The following MKLN1 variants were observed in gnomAD, a reference collection of about 807,000 sequenced individuals.
MKLN1 encodes muskelin.
A neutral mutation model predicts 99.0 loss-of-function variants in MKLN1; 18 were observed. That is an observed-to-expected ratio of 0.18 (90% CI 0.13 to 0.27). MKLN1 has a LOEUF of 0.27. Ranked by LOEUF, MKLN1 falls within the 10% of genes least tolerant of loss-of-function variation. The pLI is 1.00. For missense variants in MKLN1, 621 were observed against 875.9 expected, an observed-to-expected ratio of 0.71 and a Z score of 3.67; for synonymous variants, 288 against 293.2, an observed-to-expected ratio of 0.98 and a Z score of 0.18.
intron 2 of MKLN1, among the ~76,000 whole-genome samples, chr7:131,175,232 T>G (rs1221209526): frequency 8.1e-5 from 6 of 73,898 alleles, no homozygotes; most frequent in East Asian, 8.7e-4. Context: ...GAGAGAGAGA[T>G]AGAATGGATG....
At chr7:131,399,144 G>C in intron 5 of MKLN1, 97 bp from the exon 6 acceptor site, 1 of 1,017,424 alleles carries the variant, frequency 9.8e-7, no homozygotes, top group Non-Finnish European at 1.5e-6. Context: ...GTTAATAAAT[G>C]CTCAGTGTAG....
intron 3 of MKLN1, among the ~76,000 whole-genome samples, chr7:131,224,869 C>A (rs55853534): frequency 1.3e-5 from 2 of 151,536 alleles, no homozygotes; most frequent in African/African-American, 2.4e-5. Flanking sequence ...GTCAGGAAAT[C>A]GAGACCATCC....
chr7:131,187,479 G>A (rs938219858), intron 2 of MKLN1, among the ~76,000 whole-genome samples: 3 of 152,168 alleles, frequency 2.0e-5, no homozygotes, highest in Non-Finnish European at 2.9e-5. Flanking sequence ...GCCTGTTTCT[G>A]TAATTAAGTT....
At chr7:131,252,587 C>T (rs1489924776) in intron 3 of MKLN1, among the ~76,000 whole-genome samples, 1 of 152,012 alleles carries the variant, frequency 6.6e-6, no homozygotes, top group Non-Finnish European at 1.5e-5. Flanking sequence ...CCTGGCCTCC[C>T]AAAGTACTGG....
intron 3 of MKLN1, among the ~76,000 whole-genome samples, chr7:131,223,046 T>A (rs974521785): frequency 2.6e-5 from 4 of 151,546 alleles, no homozygotes; most frequent in African/African-American, 7.3e-5. Flanking sequence ...GAAAAAAAAA[T>A]AAATAAATAC....
intron 12 of MKLN1, among the ~76,000 whole-genome samples, chr7:131,451,426 T>G (rs1044374462): frequency 6.6e-6 from 1 of 152,134 alleles, no homozygotes; most frequent in Non-Finnish European, 1.5e-5. Flanking sequence ...TTTGAACTAT[T>G]GAGATCACCG....
intron 1 of MKLN1, among the ~76,000 whole-genome samples, chr7:131,110,991 G>A (rs1220966862): frequency 6.6e-6 from 1 of 152,202 alleles, no homozygotes; most frequent in Non-Finnish European, 1.5e-5. Context: ...ACAACTGAGA[G>A]CAGGGAAATA....
chr7:131,281,441 T>C (rs1798051232), intron 3 of MKLN1, among the ~76,000 whole-genome samples: 1 of 152,358 alleles, frequency 6.6e-6, no homozygotes, highest in African/African-American at 2.4e-5. Flanking sequence ...AGTTTTCTGG[T>C]AGGTTTTGAA....
At chr7:131,477,141 G>A (rs988181270) in intron 16 of MKLN1, among the ~76,000 whole-genome samples, 1 of 152,110 alleles carries the variant, frequency 6.6e-6, no homozygotes, top group African/African-American at 2.4e-5. Context: ...CACAACATTG[G>A]GATAGGTAAA....
chr7:131,342,560 T>C lies in MKLN1; in HGVS notation c.98+14563T>C, dbSNP rs575336871. Among the ~76,000 whole-genome samples the C allele has an allele frequency of 1.6e-3, 243 of 152,358 alleles. 1 individual carries two copies. Among genetic ancestry groups the C allele is most frequent in the East Asian group, 1.9e-4 (1 of 5,184 alleles). Reference sequence around the variant, plus strand: ...CAGTGAAACTTGTTTATGAATTCTTTCCTTACACAAAAGAAGACAGGTTTT... The same window carrying C: ...CAGTGAAACTTGTTTATGAATTCTTCCCTTACACAAAAGAAGACAGGTTTT... On this transcript the variant is annotated intron_variant, in intron 1 of 17. Coordinates refer to ENST00000352689, the MANE Select transcript of MKLN1 (RefSeq NM_013255.5).
At chr7:131,150,693 A>G (rs1355938030) in intron 2 of MKLN1, among the ~76,000 whole-genome samples, 5 of 152,046 alleles carry the variant, frequency 3.3e-5, no homozygotes, top group African/African-American at 4.8e-5. Context: ...GCTTCTAGCC[A>G]TTTGTTAAAT....
At chr7:131,470,260 G>C (rs563846430) in intron 15 of MKLN1, among the ~76,000 whole-genome samples, 24 of 152,242 alleles carry the variant, frequency 1.6e-4, no homozygotes, top group African/African-American at 5.5e-4. Context: ...TAAAATACTT[G>C]ATACAATGTC....
chr7:131,347,780 A>G (rs1412019306), intron 1 of MKLN1, among the ~76,000 whole-genome samples: 1 of 152,130 alleles, frequency 6.6e-6, no homozygotes, highest in East Asian at 1.9e-4. Flanking sequence ...GGTTAATCTG[A>G]TGCCTATTAT....
intron 1 of MKLN1, among the ~76,000 whole-genome samples, chr7:131,333,960 T>G (rs986941556): frequency 7.2e-5 from 11 of 152,200 alleles, no homozygotes; most frequent in African/African-American, 2.2e-4. Context: ...CCTTGGTAAT[T>G]TGGAAGAAAA....
intron 8 of MKLN1, among the ~76,000 whole-genome samples, chr7:131,416,875 C>T (rs1034885545): frequency 4.7e-5 from 7 of 149,820 alleles, no homozygotes; most frequent in African/African-American, 9.9e-5. Flanking sequence ...CTCAGCTACT[C>T]GAGAGGCTGA....
chr7:131,326,349 T>G (rs1026695873), upstream of MKLN1, among the ~76,000 whole-genome samples: 2 of 152,128 alleles, frequency 1.3e-5, no homozygotes, highest in African/African-American at 2.4e-5. Flanking sequence ...TTATTGTATT[T>G]TATTTGTTTT....
chr7:131,167,065 C>T lies in MKLN1; in HGVS notation c.-297+24124C>T, dbSNP rs559648192. Among the ~76,000 whole-genome samples the T allele has an allele frequency of 5.9e-5, 9 of 152,214 alleles. No homozygotes were observed. In the South Asian group the frequency reaches 8.3e-4, roughly 14 times the overall value. On this transcript the variant is annotated intron_variant, in intron 2 of 7. Coordinates refer to the MKLN1 transcript ENST00000416992. Reference sequence around the variant, plus strand: ...AGCAACACTTCCCCCGCCACATCCCCTCTCTCCAGTTTCCTCTTCCCCATT... The same window carrying T: ...AGCAACACTTCCCCCGCCACATCCCTTCTCTCCAGTTTCCTCTTCCCCATT...
At chr7:131,177,491 C>T (rs1422722405) in intron 2 of MKLN1, among the ~76,000 whole-genome samples, 1 of 149,410 alleles carries the variant, frequency 6.7e-6, no homozygotes, top group African/African-American at 2.5e-5. Flanking sequence ...AAAAAGATTG[C>T]ATATTCCCTT....
chr7:131,414,361 T>C (rs1033857262), intron 7 of MKLN1, among the ~76,000 whole-genome samples: 1 of 152,150 alleles, frequency 6.6e-6, no homozygotes, highest in Non-Finnish European at 1.5e-5. Flanking sequence ...TATGTTTTTG[T>C]ATAATATTCT....
Sources: gnomAD v4.1 joint callset for allele counts (sites outside exome capture counted in the v4.1 genomes callset) on GRCh38, gnomAD v4.1.1 for gene constraint, MANE v1.5 for transcripts, NCBI Gene and HGNC (gene_info 2026-07-23, HGNC 2026-07-21) for gene names.